Variants in ABI2 observed in about 807,000 individuals in gnomAD.
The protein encoded by ABI2 is abelson interactor 2.
A neutral mutation model predicts 59.2 loss-of-function variants in ABI2; 25 were observed. That is an observed-to-expected ratio of 0.42 (90% CI 0.31 to 0.59). The LOEUF is 0.59. ABI2 is among the 20% of genes least tolerant of loss of function. ABI2 has a pLI of 0.14. For missense variants in ABI2, 545 were observed against 681.8 expected (o/e 0.80, Z 2.23); for synonymous variants, 213 against 235.5 (o/e 0.90, Z 0.87).
At chr2:203,328,697 G>T in intron 1 of ABI2, 66 bp downstream of exon 1, 2 of 1,143,984 alleles carry the variant, frequency 1.7e-6, no homozygotes, top group Non-Finnish European at 2.4e-6. Flanking sequence ...GCCTCGGGGC[G>T]TGGGGCCGAG....
chr2:203,348,571 T>A (rs945029665), intron 1 of ABI2, among the ~76,000 whole-genome samples: 5 of 152,188 alleles, frequency 3.3e-5, no homozygotes, highest in Non-Finnish European at 7.3e-5. Context: ...TTAATGGAAA[T>A]TTTCCCTCAA....
chr2:203,376,979 G>C (rs1004673581), intron 2 of ABI2, among the ~76,000 whole-genome samples: 1 of 152,152 alleles, frequency 6.6e-6, no homozygotes, highest in Admixed American at 6.5e-5. Context: ...TAAATAATAA[G>C]TGGAAGATTA....
intron 5 of ABI2, among the ~76,000 whole-genome samples, chr2:203,392,029 G>T (rs2096761420): frequency 6.6e-6 from 1 of 152,168 alleles, no homozygotes; most frequent in Admixed American, 6.5e-5. Flanking sequence ...TTAAAATTCT[G>T]TTTCAGCTGT....
intron 1 of ABI2, among the ~76,000 whole-genome samples, chr2:203,353,042 GAA>G (rs1390493645): frequency 2.0e-5 from 3 of 152,136 alleles, no homozygotes; most frequent in Non-Finnish European, 2.9e-5. Context: ...CTAGATTTGC[GAA>G]GTTTACTCTG....
At chr2:203,395,873 AT>A (rs1374558152) in intron 7 of ABI2, 93 bp downstream of exon 7, 9 of 1,361,086 alleles carry the variant, frequency 6.6e-6, no homozygotes, top group South Asian at 3.6e-5. Flanking sequence ...CGTAATCAGG[AT>A]TTTTTTTCTT....
At chr2:203,414,800 A>AGAATACTTAATCTTG (rs1262208377) in intron 10 of ABI2, among the ~76,000 whole-genome samples, 1 of 152,240 alleles carries the variant, frequency 6.6e-6, no homozygotes, top group Non-Finnish European at 1.5e-5. Context: ...ACTTGCTGTC[A>AGAATACTTAATCTTG]GAATACTTAA....
intron 5 of ABI2, 42 bp downstream of exon 5, chr2:203,391,185 T>G (rs759150569): frequency 2.9e-6 from 4 of 1,374,736 alleles, no homozygotes; most frequent in Non-Finnish European, 4.0e-6. Flanking sequence ...TCATGTAGTA[T>G]TGTTTAAAAA....
chr2:203,335,977 A>G (rs2076274277), intron 1 of ABI2, among the ~76,000 whole-genome samples: 1 of 152,166 alleles, frequency 6.6e-6, no homozygotes, highest in Non-Finnish European at 1.5e-5. Flanking sequence ...GCCTTTGGTA[A>G]ACACTGATAT....
chr2:203,335,832 A>G (rs978926848), intron 1 of ABI2, among the ~76,000 whole-genome samples: 1 of 152,210 alleles, frequency 6.6e-6, no homozygotes, highest in African/African-American at 2.4e-5. Context: ...TTGAGTTTTA[A>G]TACATATATG....
At chr2:203,328,664 G>GC (rs2070109007) in intron 1 of ABI2, 33 bp downstream of exon 1, 2 of 1,460,318 alleles carry the variant, frequency 1.4e-6, no homozygotes, top group Admixed American at 2.4e-5. Context: ...CCGCGTCGGG[G>GC]ACCCCCCCGC....
intron 1 of ABI2, among the ~76,000 whole-genome samples, chr2:203,332,469 A>T (rs572830126): frequency 2.0e-5 from 3 of 152,146 alleles, no homozygotes; most frequent in Non-Finnish European, 4.4e-5. Context: ...TACTAAAAAT[A>T]CAAAAATTAG....
At chr2:203,362,510 GTATTTTATTTATTT>G (rs1247475504) in intron 1 of ABI2, among the ~76,000 whole-genome samples, 2 of 151,802 alleles carry the variant, frequency 1.3e-5, no homozygotes, top group South Asian at 2.1e-4. Context: ...TTTTCTACTG[GTATTTTATTTATTT>G]TATTTTATTT....
At chr2:203,344,093 G>C (rs1309950634) in intron 1 of ABI2, among the ~76,000 whole-genome samples, 3 of 152,194 alleles carry the variant, frequency 2.0e-5, no homozygotes, top group Admixed American at 6.5e-5. Flanking sequence ...GATAGTGCTT[G>C]AAATGTCAAA....
intron 2 of ABI2, among the ~76,000 whole-genome samples, chr2:203,373,428 T>G (rs985296859): frequency 3.4e-4 from 51 of 151,692 alleles, no homozygotes; most frequent in Non-Finnish European, 6.2e-4. Context: ...GTCCAGCTTC[T>G]GCTCGGCATC....
At chr2:203,358,578 C>T (rs866320135) in intron 1 of ABI2, among the ~76,000 whole-genome samples, 1 of 152,198 alleles carries the variant, frequency 6.6e-6, no homozygotes, top group African/African-American at 2.4e-5. Flanking sequence ...CTCGTTTCTG[C>T]TTCTTTATGC....
At chr2:203,356,052 T>C (rs143868888) in intron 1 of ABI2, among the ~76,000 whole-genome samples, 135 of 152,266 alleles carry the variant, frequency 8.9e-4, no homozygotes, top group African/African-American at 2.7e-3. Context: ...ATATAGTTTT[T>C]TTTCTCTCTC....
intron 2 of ABI2, among the ~76,000 whole-genome samples, chr2:203,374,335 A>G (rs993809439): frequency 6.6e-6 from 1 of 151,914 alleles, no homozygotes; most frequent in African/African-American, 2.4e-5. Flanking sequence ...CCCTGTCGCT[A>G]CTAAAAATAC....
chr2:203,354,226 TAG>T (rs1443885744), intron 1 of ABI2, among the ~76,000 whole-genome samples: 1 of 152,114 alleles, frequency 6.6e-6, no homozygotes, highest in Non-Finnish European at 1.5e-5. Flanking sequence ...GTATTTTTTA[TAG>T]AGACAGGGTT....
intron 1 of ABI2, among the ~76,000 whole-genome samples, chr2:203,339,530 G>A (rs571930984): frequency 2.0e-5 from 3 of 147,996 alleles, no homozygotes; most frequent in East Asian, 2.0e-4. Context: ...GCAGTGAGCC[G>A]AGATTGCGCC....
Sources: allele counts gnomAD v4.1 joint callset (sites outside exome capture counted in the v4.1 genomes callset), GRCh38; gene constraint gnomAD v4.1.1; transcripts MANE v1.5; gene names NCBI Gene and HGNC (gene_info 2026-07-23, HGNC 2026-07-21).